The following FAM124A variants were observed in gnomAD, a reference collection of about 807,000 sequenced individuals.
FAM124A encodes protein FAM124A.
FAM124A carries 23 observed loss-of-function variants against 24.5 expected under a neutral mutation model. The observed-to-expected ratio is 0.94, with a 90% CI of 0.68 to 1.33. The LOEUF is 1.33. Among genes scored for constraint, FAM124A ranks in the 40% most tolerant of loss-of-function variants. The probability of loss-of-function intolerance (pLI) is 0.00; values close to 1 mark genes in which losing one functional copy is unlikely to be tolerated. For synonymous variants in FAM124A, 287 were observed against 314.7 expected (o/e 0.91, Z 0.93); for missense variants, 623 against 722.8 (o/e 0.86, Z 1.58).
At chr13:51,244,329 A>G (rs972371539) in intron 2 of FAM124A, among the ~76,000 whole-genome samples, 1 of 152,210 alleles carries the variant, frequency 6.6e-6, no homozygotes. Flanking sequence ...CTCCCTCACT[A>G]GATTATAAGC....
At chr13:51,274,928 G>A (rs113813690) in intron 3 of FAM124A, among the ~76,000 whole-genome samples, 4,866 of 152,256 alleles carry the variant, frequency 0.032, 267 homozygotes, top group African/African-American at 0.11. Flanking sequence ...GGAGTAATTT[G>A]TAAGCTCAAG....
At chr13:51,247,461 T>G (rs1394978778) in intron 2 of FAM124A, among the ~76,000 whole-genome samples, 5 of 152,196 alleles carry the variant, frequency 3.3e-5, no homozygotes, top group Non-Finnish European at 7.3e-5. Context: ...AGTTCATACA[T>G]GTAGAACATG....
At chr13:51,250,903 C>T (rs1014884081) in intron 2 of FAM124A, among the ~76,000 whole-genome samples, 6 of 152,256 alleles carry the variant, frequency 3.9e-5, no homozygotes, top group Non-Finnish European at 1.5e-5. Flanking sequence ...GCACAGGTCT[C>T]TCTTGTCCTC....
At chr13:51,229,933 C>T (rs1252532002) in intron 1 of FAM124A, among the ~76,000 whole-genome samples, 1 of 152,194 alleles carries the variant, frequency 6.6e-6, no homozygotes, top group Non-Finnish European at 1.5e-5. Context: ...TCACCATGTG[C>T]TAGCCAGTCA....
intron 3 of FAM124A, 40 bp from the exon 4 acceptor site, chr13:51,280,410 T>G (rs749409923): frequency 6.6e-7 from 1 of 1,505,046 alleles, no homozygotes; most frequent in Admixed American, 2.1e-5. Context: ...ATTTAACAAT[T>G]CCCATCCTGC....
At chr13:51,223,904 C>G (rs1954289492) in intron 1 of FAM124A, among the ~76,000 whole-genome samples, 1 of 152,178 alleles carries the variant, frequency 6.6e-6, no homozygotes, top group Non-Finnish European at 1.5e-5. Flanking sequence ...AATTAACCAG[C>G]TTATTTGTAA....
intron 2 of FAM124A, among the ~76,000 whole-genome samples, chr13:51,241,843 C>T (rs1374498240): frequency 1.3e-5 from 2 of 152,142 alleles, no homozygotes; most frequent in Admixed American, 1.3e-4. Flanking sequence ...GCATCTACTG[C>T]GTTCAGGACG....
chr13:51,266,350 C>A (rs1418495602), intron 3 of FAM124A, among the ~76,000 whole-genome samples: 1 of 151,922 alleles, frequency 6.6e-6, no homozygotes, highest in Non-Finnish European at 1.5e-5. Flanking sequence ...TTCTTTGAAA[C>A]CACCTTTGTA....
chr13:51,229,713 T>C (rs1433580064), intron 1 of FAM124A, among the ~76,000 whole-genome samples: 1 of 152,230 alleles, frequency 6.6e-6, no homozygotes, highest in Admixed American at 6.5e-5. Context: ...TGTAATCAAG[T>C]TGTTTTCCTG....
chr13:51,245,374 GA>G, intron 2 of FAM124A: 3 of 695,828 alleles, frequency 4.3e-6, no homozygotes, highest in Non-Finnish European at 2.6e-6. Flanking sequence ...CGGTGACAAA[GA>G]AAAGGGAAGA....
Position 51,224,802 on chromosome 13 carries a change from C to T in FAM124A, c.68+2233C>T, listed in dbSNP as rs1225465243. Among the ~76,000 whole-genome samples, 10 of 152,324 alleles carry T rather than the reference C, an allele frequency of 6.6e-5. No individual in the cohort carries two copies. The East Asian group carries it at 1.7e-3, about 26-fold the overall frequency. Reference sequence around the variant, plus strand: ...TTATCTACAAATGCAAGGAATTTAACGTGGCCTATATGCCCTGACTCCTGT... The same window carrying T: ...TTATCTACAAATGCAAGGAATTTAATGTGGCCTATATGCCCTGACTCCTGT... On this transcript the variant is annotated intron_variant, in intron 1 of 3. Transcript: ENST00000322475.
At chr13:51,265,436 C>G (rs1031793401) in intron 3 of FAM124A, among the ~76,000 whole-genome samples, 1 of 151,944 alleles carries the variant, frequency 6.6e-6, no homozygotes, top group Non-Finnish European at 1.5e-5. Flanking sequence ...CTGGGGACAG[C>G]CCTACTCTAA....
In FAM124A at chr13:51,280,641, A is replaced by G. The variant is rs1265386412; in HGVS notation, c.1026A>G (p.Glu342=). 2 of 1,613,960 alleles carry G rather than the reference A, an allele frequency of 1.2e-6. No homozygotes were observed. The highest frequency in any genetic ancestry group is 1.7e-6 in the Non-Finnish European group (2 of 1,179,964). ...RTGLPPGHQQ[E]FAGRANSTPN... Reference sequence around the variant, plus strand: ...GCCTGCCTCCTGGGCACCAGCAGGAATTTGCCGGACGAGCCAACAGCACCC... The same window carrying G: ...GCCTGCCTCCTGGGCACCAGCAGGAGTTTGCCGGACGAGCCAACAGCACCC... Residue 342 remains glutamate (E), a synonymous_variant, in exon 4 of 4, where the codon GAA becomes GAG. Coordinates refer to ENST00000322475, the MANE Select transcript of FAM124A (RefSeq NM_001242312.2).
At chr13:51,229,544 A>T (rs1458140224) in intron 1 of FAM124A, among the ~76,000 whole-genome samples, 1 of 152,358 alleles carries the variant, frequency 6.6e-6, no homozygotes, top group Non-Finnish European at 1.5e-5. Context: ...ATGTATGCAT[A>T]TGTGAATCCC....
chr13:51,240,374 T>C (rs954904004), intron 2 of FAM124A, among the ~76,000 whole-genome samples: 1 of 152,226 alleles, frequency 6.6e-6, no homozygotes, highest in East Asian at 1.9e-4. Flanking sequence ...GACGTTATTA[T>C]TGGCACACAA....
chr13:51,238,374 C>A (rs780357644), intron 2 of FAM124A, among the ~76,000 whole-genome samples: 7 of 152,160 alleles, frequency 4.6e-5, no homozygotes, highest in Non-Finnish European at 1.0e-4. Context: ...CCGAGCTAGC[C>A]CATCTCTTCG....
intron 2 of FAM124A, among the ~76,000 whole-genome samples, chr13:51,239,070 C>T (rs868736485): frequency 2.0e-5 from 3 of 152,274 alleles, no homozygotes; most frequent in Middle Eastern, 6.8e-3. Flanking sequence ...TTTCTCCCCC[C>T]TTGAAAAGCT....
At chr13:51,252,266 C>A in intron 3 of FAM124A, 65 bp downstream of exon 3, 1 of 1,549,560 alleles carries the variant, frequency 6.5e-7, no homozygotes, top group Non-Finnish European at 8.7e-7. Context: ...TTGCCTCAAA[C>A]ACTATAGTAC....
At chr13:51,259,557 A>G (rs1242262800) in intron 3 of FAM124A, among the ~76,000 whole-genome samples, 2 of 151,776 alleles carry the variant, frequency 1.3e-5, no homozygotes, top group Non-Finnish European at 2.9e-5. Context: ...CCTCAGGGTC[A>G]CCTCATGAGT....
Sources: gnomAD v4.1 joint callset for allele counts (sites outside exome capture counted in the v4.1 genomes callset) on GRCh38, gnomAD v4.1.1 for gene constraint, MANE v1.5 for transcripts, NCBI Gene and HGNC (gene_info 2026-07-23, HGNC 2026-07-21) for gene names.